The following SCHIP1 variants were observed in gnomAD, a reference collection of about 807,000 sequenced individuals.
The protein encoded by SCHIP1 is schwannomin interacting protein 1.
A neutral mutation model predicts 29.7 loss-of-function variants in SCHIP1; 8 were observed. The observed-to-expected ratio is 0.27, with a 90% CI of 0.16 to 0.49. The LOEUF (loss-of-function observed/expected upper bound fraction) is 0.49, where lower values mean the gene tolerates loss of function less well. SCHIP1 is among the 20% of genes least tolerant of loss of function. SCHIP1 has a pLI of 0.99. For synonymous variants in SCHIP1, 76 were observed against 94.9 expected (o/e 0.80, Z 1.16); for missense variants, 193 against 294.6 (o/e 0.66, Z 2.52).
At chr3:159,462,675 A>G in the SCHIP1 span, among the ~76,000 whole-genome samples, 3 of 152,098 alleles carry the variant, frequency 2.0e-5, no homozygotes, top group South Asian at 2.1e-4. Context: ...AAAAGTGCCA[A>G]ACTCCATGAT....
chr3:159,443,518 C>CT, the SCHIP1 span, among the ~76,000 whole-genome samples: 68 of 151,066 alleles, frequency 4.5e-4, 1 homozygote, highest in East Asian at 9.7e-4. Flanking sequence ...AACTTATTCC[C>CT]TTTTTTTTTG....
At chr3:159,355,736 T>C in the SCHIP1 span, among the ~76,000 whole-genome samples, 1 of 152,020 alleles carries the variant, frequency 6.6e-6, no homozygotes, top group Admixed American at 6.6e-5. Context: ...TCTCTGCCAT[T>C]TTCTACGTTA....
the SCHIP1 span, among the ~76,000 whole-genome samples, chr3:159,641,602 T>C: frequency 6.6e-6 from 1 of 152,132 alleles, no homozygotes; most frequent in East Asian, 1.9e-4. Context: ...TAGGGCAGTG[T>C]TTCAAAGGAA....
chr3:159,398,441 G>C, the SCHIP1 span, among the ~76,000 whole-genome samples: 7 of 152,166 alleles, frequency 4.6e-5, no homozygotes, highest in African/African-American at 1.4e-4. Context: ...TAGGTCAGGG[G>C]TTGTCATGGA....
the SCHIP1 span, among the ~76,000 whole-genome samples, chr3:159,664,902 T>G: frequency 1.3e-5 from 2 of 152,346 alleles, no homozygotes; most frequent in African/African-American, 2.4e-5. Context: ...CTCTGCCCCA[T>G]GCAGATCTAC....
chr3:159,544,539 A>G, the SCHIP1 span, among the ~76,000 whole-genome samples: 1 of 152,044 alleles, frequency 6.6e-6, no homozygotes, highest in African/African-American at 2.4e-5. Flanking sequence ...CAGGTTGTTT[A>G]AGTTTGACCA....
chr3:159,353,592 A>G, the SCHIP1 span, among the ~76,000 whole-genome samples: 2 of 152,224 alleles, frequency 1.3e-5, no homozygotes. Context: ...TCTGTCGTAT[A>G]CAAAAGTAAA....
At chr3:159,724,718 T>TA in the SCHIP1 span, among the ~76,000 whole-genome samples, 1 of 152,026 alleles carries the variant, frequency 6.6e-6, no homozygotes, top group Non-Finnish European at 1.5e-5. Flanking sequence ...AATCCCTGGG[T>TA]AAAAAAAATT....
the SCHIP1 span, among the ~76,000 whole-genome samples, chr3:159,809,217 G>A: frequency 6.8e-6 from 1 of 146,860 alleles, no homozygotes; most frequent in Non-Finnish European, 1.5e-5. Context: ...AACTACCACT[G>A]ATGAGTGAGA....
At chr3:159,719,537 G>GA in the SCHIP1 span, among the ~76,000 whole-genome samples, 2 of 152,006 alleles carry the variant, frequency 1.3e-5, no homozygotes, top group Admixed American at 1.3e-4. Flanking sequence ...AAATTTACAA[G>GA]AAAAAAATCA....
At chr3:159,661,806 T>G in the SCHIP1 span, among the ~76,000 whole-genome samples, 1 of 152,136 alleles carries the variant, frequency 6.6e-6, no homozygotes, top group Admixed American at 6.6e-5. Flanking sequence ...TTAATTTACT[T>G]CCCAAAGTCA....
chr3:159,764,370 G>T, the SCHIP1 span: 1 of 1,499,136 alleles, frequency 6.7e-7, no homozygotes, highest in Non-Finnish European at 8.9e-7. This position sits in a 1 kb window ranked among gnomAD's most constrained non-coding sequence, Gnocchi z 6.1. Context: ...ACTGAGCCGG[G>T]GCATTTGGGG....
the SCHIP1 span, among the ~76,000 whole-genome samples, chr3:159,293,757 G>A: frequency 6.6e-6 from 1 of 151,786 alleles, no homozygotes; most frequent in South Asian, 2.1e-4. Flanking sequence ...TTCTCAAGAT[G>A]TCTTTCAGAC....
the SCHIP1 span, among the ~76,000 whole-genome samples, chr3:159,333,857 G>A: frequency 6.6e-6 from 1 of 152,078 alleles, no homozygotes; most frequent in Non-Finnish European, 1.5e-5. Context: ...ATACACATTG[G>A]AATTTAGGAG....
At chr3:159,885,181 C>A (rs902645527) in intron 2 of SCHIP1, among the ~76,000 whole-genome samples, 2 of 152,160 alleles carry the variant, frequency 1.3e-5, no homozygotes, top group African/African-American at 2.4e-5. Flanking sequence ...CTTCCTATGG[C>A]AGTAATAATG....
chr3:159,658,822 C>G, the SCHIP1 span, among the ~76,000 whole-genome samples: 1 of 152,190 alleles, frequency 6.6e-6, no homozygotes, highest in Non-Finnish European at 1.5e-5. Context: ...TAATATTTCC[C>G]CCTACAATCC....
chr3:159,285,071 A>G, the SCHIP1 span, among the ~76,000 whole-genome samples: 5 of 152,118 alleles, frequency 3.3e-5, no homozygotes, highest in African/African-American at 4.8e-5. Flanking sequence ...TATTAAGACA[A>G]TAATTTCTTA....
chr3:159,586,960 C>T, the SCHIP1 span, among the ~76,000 whole-genome samples: 6 of 152,268 alleles, frequency 3.9e-5, no homozygotes, highest in East Asian at 5.8e-4. Flanking sequence ...CTATCATATA[C>T]GTGTCAGCAG....
the SCHIP1 span, among the ~76,000 whole-genome samples, chr3:159,326,194 C>T: frequency 6.6e-6 from 1 of 152,104 alleles, no homozygotes; most frequent in Non-Finnish European, 1.5e-5. Context: ...GATTACTTCT[C>T]TACTCTATTT....
Sources: allele counts gnomAD v4.1 joint callset (sites outside exome capture counted in the v4.1 genomes callset), GRCh38; gene constraint gnomAD v4.1.1; non-coding constraint Gnocchi (gnomAD v3.1); transcripts MANE v1.5; gene names NCBI Gene and HGNC (gene_info 2026-07-23, HGNC 2026-07-21).